NFATC3: variants seen among roughly 807,000 people sequenced by gnomAD.
The protein encoded by NFATC3 is nuclear factor of activated T cells 3.
NFATC3 carries 46 observed loss-of-function variants against 98.6 expected under a neutral mutation model. The ratio of observed to expected loss-of-function variants is 0.47; its 90% confidence interval spans 0.37 to 0.60. NFATC3 has a LOEUF of 0.60. Among genes scored for constraint, NFATC3 ranks in the 20% least tolerant of loss-of-function variants. The pLI is 0.00. For synonymous variants in NFATC3, 512 were observed against 472.2 expected, an observed-to-expected ratio of 1.08 and a Z score of -1.09; for missense variants, 1,256 against 1,295.5, an observed-to-expected ratio of 0.97 and a Z score of 0.47.
At chr16:68,193,610 A>G (rs1351727287) in intron 9 of NFATC3, among the ~76,000 whole-genome samples, 1 of 152,174 alleles carries the variant, frequency 6.6e-6, no homozygotes, top group Non-Finnish European at 1.5e-5. Context: ...TCTAGGCTGC[A>G]GTGAGCTGAT....
chr16:68,194,395 T>A (rs141875564), intron 9 of NFATC3, among the ~76,000 whole-genome samples: 58 of 152,360 alleles, frequency 3.8e-4, no homozygotes, highest in Non-Finnish European at 7.5e-4. Flanking sequence ...AGCACTCTGG[T>A]ATTTAAGCAT....
At chr16:68,106,518 C>T (rs1024909028) in intron 1 of NFATC3, among the ~76,000 whole-genome samples, 1 of 151,998 alleles carries the variant, frequency 6.6e-6, no homozygotes, top group African/African-American at 2.4e-5. Flanking sequence ...TCTCAAACTC[C>T]TGACCTTGTG....
intron 9 of NFATC3, chr16:68,221,284 G>C (rs200790170): frequency 2.0e-4 from 327 of 1,613,868 alleles, no homozygotes; most frequent in Non-Finnish European, 2.6e-4. Context: ...GGAATCTAGA[G>C]GTGAGAGCCT....
chr16:68,154,090 C>T (rs1002830762), intron 3 of NFATC3, among the ~76,000 whole-genome samples: 15 of 151,346 alleles, frequency 9.9e-5, no homozygotes, highest in Middle Eastern at 6.9e-3. Context: ...CTAGTGTGTG[C>T]GTGTGTGTGT....
chr16:68,164,004 G>T (rs2039054620), intron 4 of NFATC3, among the ~76,000 whole-genome samples: 1 of 152,058 alleles, frequency 6.6e-6, no homozygotes, highest in Non-Finnish European at 1.5e-5. Context: ...CGGGGTGGCG[G>T]CCGGGCAGAG....
chr16:68,149,336 G>C (rs1210500095), intron 3 of NFATC3, among the ~76,000 whole-genome samples: 5 of 152,170 alleles, frequency 3.3e-5, no homozygotes, highest in African/African-American at 1.2e-4. Flanking sequence ...CAAACTCACT[G>C]GTCCAGTAGA....
At position 68,122,623 on chromosome 16, in the gene NFATC3, C is replaced by G; in HGVS notation, c.740C>G (p.Ser247Cys). ...CAATCTCCTTGCCACTCTCCTAGAT[C>G]CAGTGTCACTGATGAGAATTGGCTG... The part of the protein sequence containing the change: ...PRQSPCHSPR[S>C]SVTDENWLSP... The change falls in exon 2 of 10, where the codon TCC becomes TGC. Residue 247 changes from serine to cysteine, a missense_variant. Transcript: ENST00000346183. The G allele has an allele frequency of 6.2e-7, 1 of 1,614,154 alleles. No individual in the cohort carries two copies. The highest frequency in any genetic ancestry group is 8.5e-7 in the Non-Finnish European group (1 of 1,180,032).
chr16:68,159,382 A>G (rs2038774765), intron 4 of NFATC3, among the ~76,000 whole-genome samples: 1 of 151,472 alleles, frequency 6.6e-6, no homozygotes, highest in Admixed American at 6.6e-5. Flanking sequence ...ATTGTTTCAA[A>G]CTACACTATA....
At position 68,093,665 on chromosome 16, in the gene NFATC3, T is replaced by A. The variant is rs142008085; in HGVS notation, c.103+7881T>A. ...ATGTGCAAGGTATTTTTATGTGCAT[T>A]ATCTCATGATAACCTAGAGAGAGGT... On this transcript the variant is annotated intron_variant, in intron 1 of 9. Coordinates refer to ENST00000346183, the MANE Select transcript of NFATC3 (RefSeq NM_173165.3). Among the ~76,000 whole-genome samples, 65 of 152,354 alleles carry A rather than the reference T, an allele frequency of 4.3e-4. 1 individual carries two copies. Among genetic ancestry groups the A allele is most frequent in the African/African-American group, 1.5e-3 (64 of 41,584 alleles).
At chr16:68,221,761 C>T (rs1438838210) in intron 9 of NFATC3, 1 of 286,868 alleles carries the variant, frequency 3.5e-6, no homozygotes, top group Non-Finnish European at 5.2e-6. Context: ...TTCCAGGTTC[C>T]TTCAGCTAAG....
At chr16:68,163,993 A>G (rs2039053221) in intron 4 of NFATC3, among the ~76,000 whole-genome samples, 1 of 151,786 alleles carries the variant, frequency 6.6e-6, no homozygotes, top group Non-Finnish European at 1.5e-5. Flanking sequence ...CACTTCCCAG[A>G]CGGGGTGGCG....
At chr16:68,222,101 G>A (rs2041883584) in intron 9 of NFATC3, among the ~76,000 whole-genome samples, 1 of 150,212 alleles carries the variant, frequency 6.7e-6, no homozygotes, top group South Asian at 2.1e-4. Flanking sequence ...ACTAGCTTGG[G>A]CAACATGGTG....
chr16:68,204,929 T>C (rs2041082452), intron 9 of NFATC3, among the ~76,000 whole-genome samples: 1 of 152,016 alleles, frequency 6.6e-6, no homozygotes, highest in African/African-American at 2.4e-5. Flanking sequence ...CTAACAATCA[T>C]AGCTTTTGAT....
chr16:68,164,279 G>A lies in NFATC3; in HGVS notation c.1602-2564G>A, dbSNP rs530656684. On this transcript the variant is annotated intron_variant, in intron 4 of 9. Transcript: ENST00000346183. ...CAGTCAGGTGTGGCGGCGTGCGCCT[G>A]CAATCGCAGGCTGAGGCAGGAGAAT... Among the ~76,000 whole-genome samples the A allele has an allele frequency of 3.9e-5, 6 of 152,346 alleles. No homozygotes were observed. The South Asian group carries it at 6.2e-4, about 16-fold the overall frequency.
At chr16:68,196,669 G>A (rs1264924597) in intron 9 of NFATC3, among the ~76,000 whole-genome samples, 1 of 151,904 alleles carries the variant, frequency 6.6e-6, no homozygotes, top group Non-Finnish European at 1.5e-5. Context: ...GCTCCAGCCT[G>A]GGTGACAGAG....
At chr16:68,185,219 C>T (rs928948699) in intron 8 of NFATC3, among the ~76,000 whole-genome samples, 3 of 152,088 alleles carry the variant, frequency 2.0e-5, no homozygotes, top group Non-Finnish European at 4.4e-5. Flanking sequence ...TCAGGCAATC[C>T]GCTTGCCTTG....
At chr16:68,095,551 A>G (rs1024430305) in intron 1 of NFATC3, among the ~76,000 whole-genome samples, 2 of 151,916 alleles carry the variant, frequency 1.3e-5, no homozygotes, top group African/African-American at 4.8e-5. Context: ...ACAGGGTTTC[A>G]CCATGTTGGA....
At chr16:68,109,710 T>A (rs557191226) in intron 1 of NFATC3, among the ~76,000 whole-genome samples, 1 of 152,302 alleles carries the variant, frequency 6.6e-6, no homozygotes, top group African/African-American at 2.4e-5. Context: ...GTCCTGGGCT[T>A]ATTTTGGTTG....
chr16:68,160,519 A>C (rs2151581115), intron 4 of NFATC3, among the ~76,000 whole-genome samples: 1 of 152,214 alleles, frequency 6.6e-6, no homozygotes, highest in Admixed American at 6.5e-5. Flanking sequence ...AAGAAAAGTT[A>C]ATATAAATTT....
Sources: allele counts gnomAD v4.1 joint callset (sites outside exome capture counted in the v4.1 genomes callset), GRCh38; gene constraint gnomAD v4.1.1; transcripts MANE v1.5; gene names NCBI Gene and HGNC (gene_info 2026-07-23, HGNC 2026-07-21).